AP5Z1: variants seen among roughly 807,000 people sequenced by gnomAD.
The protein encoded by AP5Z1 is adaptor related protein complex 5 subunit zeta 1.
AP5Z1 carries 106 observed loss-of-function variants against 83.0 expected under a neutral mutation model. That is an observed-to-expected ratio of 1.28 (90% CI 1.09 to 1.50). The LOEUF (loss-of-function observed/expected upper bound fraction) is 1.50. Ranked by LOEUF, AP5Z1 falls within the 40% of genes most tolerant of loss-of-function variation. The probability of loss-of-function intolerance (pLI) is 0.00; values close to 1 mark genes in which losing one functional copy is unlikely to be tolerated. For synonymous variants in AP5Z1, 751 were observed against 514.1 expected, an observed-to-expected ratio of 1.46 and a Z score of -6.23; for missense variants, 1,565 against 1,094.2, an observed-to-expected ratio of 1.43 and a Z score of -6.07.
chr7:4,790,300 A>C (rs1181322810), intron 14 of AP5Z1, 159 bp from the exon 15 acceptor site: 1 of 1,545,852 alleles, frequency 6.5e-7, no homozygotes, highest in Non-Finnish European at 8.7e-7. Flanking sequence ...CAGTGAGAAC[A>C]GTTTCTCTGA....
intron 13 of AP5Z1, among the ~76,000 whole-genome samples, chr7:4,789,335 G>A (rs1393179036): frequency 6.6e-6 from 1 of 152,164 alleles, no homozygotes; most frequent in African/African-American, 2.4e-5. Context: ...CCTGGGCTCT[G>A]GCCACACAGC....
intron 10 of AP5Z1, 140 bp downstream of exon 10, chr7:4,786,568 G>C: frequency 2.1e-6 from 2 of 936,920 alleles, no homozygotes; most frequent in South Asian, 3.3e-5. Flanking sequence ...GCGGTGTGCA[G>C]GGTGAGGTGG....
rs373671779 is a variant in AP5Z1 at position 4,785,517 on chromosome 7, C to G, written c.970-5C>G. 2 of 1,613,276 alleles carry G rather than the reference C, an allele frequency of 1.2e-6. No individual in the cohort carries two copies. Among genetic ancestry groups the G allele is most frequent in the African/African-American group, 1.3e-5 (1 of 75,062 alleles). Reference sequence around the variant, plus strand: ...GGCCCATTTGATGTGGTCCATGTCCCGCAGTGCCTGGTGGAGGCCGTGCTG... The same window carrying G: ...GGCCCATTTGATGTGGTCCATGTCCGGCAGTGCCTGGTGGAGGCCGTGCTG... On this transcript the variant is annotated splice_polypyrimidine_tract_variant and splice_region_variant and intron_variant, in intron 8 of 16. Coordinates refer to ENST00000649063, the MANE Select transcript of AP5Z1 (RefSeq NM_014855.3).
Position 4,783,911 on chromosome 7 carries a change from C to A in AP5Z1, c.621+113C>A, listed in dbSNP as rs904869114. 10 of 1,168,336 alleles carry A rather than the reference C, an allele frequency of 8.6e-6. No individual in the cohort carries two copies. In the African/African-American group the frequency reaches 1.1e-4, roughly 13 times the overall value. 72.4% of individuals were successfully genotyped at this position (1,168,336 alleles called of 1,614,324 possible). A position where few individuals can be genotyped will look rare whatever the true frequency, so the allele number is the denominator to read the frequency against. On this transcript the variant is annotated intron_variant, in intron 5 of 16. Coordinates refer to ENST00000649063, the MANE Select transcript of AP5Z1 (RefSeq NM_014855.3). ...TGCTGTCGTTCCGCGGGGTCCAGGA[C>A]GAGCCTGCCTCTGCTGCGGGGCTTG...
At chr7:4,783,626 C>G (rs1427380708) in intron 4 of AP5Z1, 63 bp from the exon 5 acceptor site, 2 of 1,513,442 alleles carry the variant, frequency 1.3e-6, no homozygotes, top group African/African-American at 2.8e-5. Flanking sequence ...CGGCCAGCAT[C>G]CCAACAACCC....
At position 4,784,919 on chromosome 7, in the gene AP5Z1, G is replaced by A. The variant is rs1165224951; in HGVS notation, c.802G>A (p.Glu268Lys). Residue 268 changes from glutamate to lysine, a missense_variant, in exon 7 of 17, where the codon GAG becomes AAG. By Grantham distance (56) the Glu-to-Lys change is moderately conservative (BLOSUM62 1). Transcript: ENST00000649063. ...CCCACCTCCCGCAGATGACAGGTCAGAGCAGGAGGGCTCCACTCTGTCGGT... is the reference window on the plus strand; with the variant it reads ...CCCACCTCCCGCAGATGACAGGTCAAAGCAGGAGGGCTCCACTCTGTCGGT... The part of the protein sequence containing the change: ...PGTLDTDDRS[E>K]QEGSTLSVIS... The A allele has an allele frequency of 6.2e-7, 1 of 1,611,664 alleles. No homozygotes were observed. Among genetic ancestry groups the A allele is most frequent in the African/African-American group, 1.3e-5 (1 of 75,042 alleles).
At chr7:4,790,965 G>A (rs1043320389) in intron 16 of AP5Z1, 78 bp downstream of exon 16, 1 of 1,489,546 alleles carries the variant, frequency 6.7e-7, no homozygotes, top group Admixed American at 2.2e-5. Flanking sequence ...CCATCCAGGT[G>A]TTGTGAAATG....
chr7:4,780,674 G>A (rs1781357178), intron 1 of AP5Z1, among the ~76,000 whole-genome samples: 1 of 152,190 alleles, frequency 6.6e-6, no homozygotes. Flanking sequence ...ACTGAGGCAG[G>A]AGAATTGCTT....
chr7:4,779,401 CATAT>C (rs1015320760), intron 1 of AP5Z1, among the ~76,000 whole-genome samples: 5 of 144,812 alleles, frequency 3.5e-5, no homozygotes, highest in Non-Finnish European at 6.0e-5. Context: ...TATTATATAT[CATAT>C]ATAACATGAT....
Position 4,792,564 on chromosome 7 carries a change from C to T in AP5Z1, c.*1179C>T, listed in dbSNP as rs1413871798. 6.6e-6 allele frequency: 1 copy of T among 152,272 alleles called. No individual in the cohort carries two copies. Among genetic ancestry groups the T allele is most frequent in the East Asian group, 1.9e-4 (1 of 5,176 alleles). 9.4% of individuals were successfully genotyped at this position (152,272 alleles called of 1,614,324 possible). On this transcript the variant is annotated 3_prime_UTR_variant, in exon 17 of 17. Coordinates refer to ENST00000649063, the MANE Select transcript of AP5Z1 (RefSeq NM_014855.3). ...TGCCCGAGCCGAACCGCGGGGTCCT[C>T]ACCGCCAGGTTCCAGCCCAGGAAGC...
intron 12 of AP5Z1, chr7:4,788,632 G>C: frequency 1.9e-6 from 1 of 528,018 alleles, no homozygotes; most frequent in Non-Finnish European, 3.3e-6. Context: ...CTCAGCCCAC[G>C]CCAGCCTTTG....
In AP5Z1 at chr7:4,790,452, T is replaced by TG; in HGVS notation, c.1806-4dup. 1.2e-6 allele frequency: 2 copies of TG among 1,613,082 alleles called. No homozygotes were observed. The highest frequency in any genetic ancestry group is 8.5e-7 in the Non-Finnish European group (1 of 1,179,862). ...CAGAGCAGGCGTAGACCCGGCTTTC[T>TG]GGGCAGTGTGCTGAGTTCTCAGTTC... On this transcript the variant is annotated splice_region_variant and splice_polypyrimidine_tract_variant and intron_variant, in intron 14 of 16. Transcript: ENST00000649063.
chr7:4,789,801 G>A (rs1752786417), intron 13 of AP5Z1, 31 bp from the exon 14 acceptor site: 1 of 1,536,892 alleles, frequency 6.5e-7, no homozygotes. Context: ...TGGGGGTGGG[G>A]CTGAGCCTGT....
Position 4,791,573 on chromosome 7 carries a change from C to G in AP5Z1, c.*188C>G, listed in dbSNP as rs550104638. The G allele has an allele frequency of 2.1e-5, 18 of 875,024 alleles. 1 individual carries two copies. The African/African-American group carries it at 2.4e-4, about 12-fold the overall frequency. 54.2% of individuals were successfully genotyped at this position (875,024 alleles called of 1,614,324 possible). A position where few individuals can be genotyped will look rare whatever the true frequency, so the allele number is the denominator to read the frequency against. On this transcript the variant is annotated 3_prime_UTR_variant, in exon 17 of 17. Transcript: ENST00000649063. ...CTGCTCACCCTCTGGGCTTTGTCTC[C>G]GAGCCTTTTGCTCCCAGGCAACACT...
In AP5Z1 at chr7:4,791,450, C is replaced by T. The variant is rs1781770196; in HGVS notation, c.*65C>T. ...TGGGCAGCCAGCTTGCTACTGAGGC[C>T]AGGCTGATAGGAGCTCAGGAGGGCG... On this transcript the variant is annotated 3_prime_UTR_variant, in exon 17 of 17. Transcript: ENST00000649063. 6.6e-7 allele frequency: 1 copy of T among 1,517,446 alleles called. No homozygotes were observed. Among genetic ancestry groups the T allele is most frequent in the South Asian group, 1.3e-5 (1 of 78,164 alleles). 94.0% of individuals were successfully genotyped at this position (1,517,446 alleles called of 1,614,324 possible). A position where few individuals can be genotyped will look rare whatever the true frequency, so the allele number is the denominator to read the frequency against.
intron 5 of AP5Z1, among the ~76,000 whole-genome samples, 194 bp downstream of exon 5, chr7:4,783,992 G>C (rs569186400): frequency 9.5e-4 from 144 of 152,242 alleles, no homozygotes; most frequent in African/African-American, 3.3e-3. Context: ...CTGTGCGCGG[G>C]TTCAGTCCCA....
Position 4,788,850 on chromosome 7 carries a change from C to T in AP5Z1, c.1606C>T (p.Leu536Phe), listed in dbSNP as rs762360022. 1.9e-5 allele frequency: 31 copies of T among 1,606,878 alleles called. No individual in the cohort carries two copies. In the Admixed American group the frequency reaches 3.2e-4, roughly 17 times the overall value. ...ACACTGTGTCCTCAGGTTGGCGCCA[C>T]TCCACCAGCTGCTGCAGCCCATGGC... ...ASGATERLAPLHQLLQPMAGC... is the reference protein window; with the variant it reads ...ASGATERLAPFHQLLQPMAGC... The change falls in exon 13 of 17, where the codon CTC (leucine) becomes TTC (phenylalanine). Residue 536 changes from leucine (L) to phenylalanine (F), a missense_variant. Leu to Phe is a conservative substitution (Grantham distance 22). Transcript: ENST00000649063.
intron 7 of AP5Z1, 55 bp from the exon 8 acceptor site, chr7:4,785,360 A>G: frequency 6.3e-7 from 1 of 1,586,752 alleles, no homozygotes; most frequent in Non-Finnish European, 8.6e-7. Flanking sequence ...CTGCCCCCTC[A>G]TTGGGCCACT....
At chr7:4,779,262 TATAAC>T (rs984890095) in intron 1 of AP5Z1, among the ~76,000 whole-genome samples, 68 of 147,160 alleles carry the variant, frequency 4.6e-4, no homozygotes, top group Admixed American at 1.3e-3. Context: ...AAATAATGTA[TATAAC>T]ATAACATAAC....
Sources: gnomAD v4.1 joint callset for allele counts (sites outside exome capture counted in the v4.1 genomes callset) on GRCh38, gnomAD v4.1.1 for gene constraint, MANE v1.5 for transcripts, NCBI Gene and HGNC (gene_info 2026-07-23, HGNC 2026-07-21) for gene names.